The following EPHA6 variants were observed in gnomAD, a reference collection of about 807,000 sequenced individuals.
The protein encoded by EPHA6 is EPH receptor A6.
A neutral mutation model predicts 112.0 loss-of-function variants in EPHA6; 50 were observed. The observed-to-expected ratio is 0.45, with a 90% confidence interval of 0.36 to 0.56. EPHA6 has a LOEUF of 0.56. EPHA6 is among the 20% of genes least tolerant of loss of function. The pLI is 0.00. For missense variants in EPHA6, 1,280 were observed against 1,417.4 expected (o/e 0.90, Z 1.56); for synonymous variants, 529 against 490.7 (o/e 1.08, Z -1.03).
intron 14 of EPHA6, among the ~76,000 whole-genome samples, chr3:97,699,626 C>G (rs942840984): frequency 1.3e-5 from 2 of 152,130 alleles, no homozygotes; most frequent in East Asian, 3.9e-4. Flanking sequence ...AAACATAGGA[C>G]ACAATAACGG....
chr3:97,386,343 G>C (rs201736714), intron 5 of EPHA6, among the ~76,000 whole-genome samples: 1 of 152,052 alleles, frequency 6.6e-6, no homozygotes, highest in Admixed American at 6.6e-5. Context: ...TTGAATAAAA[G>C]AAATAATAAG....
intron 6 of EPHA6, among the ~76,000 whole-genome samples, chr3:97,432,133 C>T (rs1181762875): frequency 6.6e-6 from 1 of 152,050 alleles, no homozygotes; most frequent in Non-Finnish European, 1.5e-5. Flanking sequence ...ACCTAAAGTG[C>T]CAGACCCCTG....
rs377123081 is a variant in EPHA6 at position 97,746,768 on chromosome 3, G to T, written c.3129-655G>T. 9.2e-5 allele frequency among the ~76,000 whole-genome samples: 14 copies of T among 151,792 alleles called. No homozygotes were observed. In the South Asian group the frequency reaches 2.7e-3, roughly 29 times the overall value. On this transcript the variant is annotated intron_variant, in intron 16 of 17. Transcript: ENST00000389672. Reference sequence around the variant, plus strand: ...CCTAACATTGATTTTGTGTTGTTTTGTGCCTTATTAATATCTGTGCTTTGG... The same window carrying T: ...CCTAACATTGATTTTGTGTTGTTTTTTGCCTTATTAATATCTGTGCTTTGG...
chr3:97,007,611 G>C (rs542919821), intron 3 of EPHA6, among the ~76,000 whole-genome samples: 1 of 152,064 alleles, frequency 6.6e-6, no homozygotes, highest in East Asian at 1.9e-4. Context: ...TTACATTTAA[G>C]GTTAGTATTA....
chr3:97,068,265 G>A (rs910265156), intron 3 of EPHA6, among the ~76,000 whole-genome samples: 1 of 151,720 alleles, frequency 6.6e-6, no homozygotes, highest in African/African-American at 2.4e-5. Context: ...TGAGCTGATA[G>A]GCAGAAGCCA....
chr3:97,713,102 A>G (rs1429605132), intron 14 of EPHA6, among the ~76,000 whole-genome samples: 2 of 152,176 alleles, frequency 1.3e-5, no homozygotes, highest in African/African-American at 4.8e-5. Context: ...GGGATAGGGC[A>G]GCAACACCGA....
At chr3:97,026,727 A>G (rs1455649979) in intron 3 of EPHA6, among the ~76,000 whole-genome samples, 3 of 152,302 alleles carry the variant, frequency 2.0e-5, no homozygotes, top group African/African-American at 7.2e-5. Context: ...ATCAAAAACT[A>G]CAAGGAGATA....
chr3:97,476,313 A>G (rs550795137), intron 8 of EPHA6, among the ~76,000 whole-genome samples: 1 of 152,212 alleles, frequency 6.6e-6, no homozygotes, highest in South Asian at 2.1e-4. Context: ...CAGATTTTTT[A>G]TAATCAGAAA....
At chr3:96,935,644 A>C (rs558300151) in intron 2 of EPHA6, among the ~76,000 whole-genome samples, 2 of 148,514 alleles carry the variant, frequency 1.3e-5, no homozygotes, top group African/African-American at 2.4e-5. Context: ...CCTAAATATT[A>C]TATATATTTA....
chr3:97,059,244 C>A (rs1038116419), intron 3 of EPHA6, among the ~76,000 whole-genome samples: 1 of 152,130 alleles, frequency 6.6e-6, no homozygotes, highest in African/African-American at 2.4e-5. Flanking sequence ...TTTTTCTTCT[C>A]AAATGATTTT....
At position 97,677,698 on chromosome 3, in the gene EPHA6, A is replaced by G. The variant is rs372650927; in HGVS notation, c.2784+39616A>G. Reference sequence around the variant, plus strand: ...ACTGCGCCATTGCACTCCAGCCTGGACAACAAGAACGAAACTCCATCTTAA... The same window carrying G: ...ACTGCGCCATTGCACTCCAGCCTGGGCAACAAGAACGAAACTCCATCTTAA... On this transcript the variant is annotated intron_variant, in intron 14 of 17. Transcript: ENST00000389672. Among the ~76,000 whole-genome samples the G allele has an allele frequency of 2.0e-4, 30 of 147,874 alleles. No homozygotes were observed. The South Asian group carries it at 2.8e-3, about 14-fold the overall frequency.
At chr3:97,305,696 A>C (rs1280913603) in intron 5 of EPHA6, among the ~76,000 whole-genome samples, 1 of 152,006 alleles carries the variant, frequency 6.6e-6, no homozygotes, top group Non-Finnish European at 1.5e-5. Flanking sequence ...GGAGGGGAAC[A>C]ACACACACTG....
At chr3:97,652,589 G>A (rs776902785) in intron 14 of EPHA6, among the ~76,000 whole-genome samples, 1 of 152,014 alleles carries the variant, frequency 6.6e-6, no homozygotes. Flanking sequence ...AGGTTTGAGT[G>A]GGGAGCTTTC....
chr3:97,052,654 T>C (rs2045721290), intron 3 of EPHA6, among the ~76,000 whole-genome samples: 1 of 152,120 alleles, frequency 6.6e-6, no homozygotes, highest in Non-Finnish European at 1.5e-5. Flanking sequence ...AAGCCAAAAA[T>C]ATTTCAGAAG....
Position 97,111,895 on chromosome 3 carries a change from G to C in EPHA6, c.1115-114369G>C, listed in dbSNP as rs933280820. 2.0e-5 allele frequency among the ~76,000 whole-genome samples: 3 copies of C among 151,938 alleles called. No homozygotes were observed. In the East Asian group the frequency reaches 5.8e-4, roughly 29 times the overall value. ...TTGAATGCAGAAAGGTTACAGCCTT[G>C]GGCTCAGTATTTTTAATGTGCAATA... On this transcript the variant is annotated intron_variant, in intron 3 of 17. Coordinates refer to ENST00000389672, the MANE Select transcript of EPHA6 (RefSeq NM_001080448.3).
intron 3 of EPHA6, among the ~76,000 whole-genome samples, chr3:97,141,081 CAA>C (rs1320623387): frequency 2.6e-5 from 4 of 151,984 alleles, no homozygotes; most frequent in Admixed American, 2.0e-4. Flanking sequence ...AAAGAAAAGA[CAA>C]AGAGAATGAT....
At chr3:97,160,829 G>C (rs2076397091) in intron 3 of EPHA6, among the ~76,000 whole-genome samples, 2 of 152,110 alleles carry the variant, frequency 1.3e-5, no homozygotes, top group Admixed American at 1.3e-4. Flanking sequence ...GTGTTTCAGG[G>C]CTGTTTCAGA....
At chr3:96,973,113 T>C (rs1175654234) in intron 2 of EPHA6, among the ~76,000 whole-genome samples, 1 of 152,170 alleles carries the variant, frequency 6.6e-6, no homozygotes, top group East Asian at 1.9e-4. Flanking sequence ...GAATCTGGTT[T>C]TTTGGCCTAG....
intron 2 of EPHA6, among the ~76,000 whole-genome samples, chr3:96,975,051 GT>G (rs1403350792): frequency 1.3e-5 from 2 of 152,202 alleles, no homozygotes; most frequent in Admixed American, 6.5e-5. Flanking sequence ...CTTTACTAGG[GT>G]TTCTGAGGGA....
Sources: gnomAD v4.1 joint callset for allele counts (sites outside exome capture counted in the v4.1 genomes callset) on GRCh38, gnomAD v4.1.1 for gene constraint, MANE v1.5 for transcripts, NCBI Gene and HGNC (gene_info 2026-07-23, HGNC 2026-07-21) for gene names.